NAA15: variants seen among roughly 807,000 people sequenced by gnomAD.
NAA15 encodes N-alpha-acetyltransferase 15, NatA auxiliary subunit, also known as N-terminal acetyltransferase.
A neutral mutation model predicts 114.0 loss-of-function variants in NAA15; 34 were observed. The ratio of observed to expected loss-of-function variants is 0.30; its 90% CI spans 0.23 to 0.40. The LOEUF (loss-of-function observed/expected upper bound fraction) is 0.40. Ranked by LOEUF, NAA15 falls within the 10% of genes least tolerant of loss-of-function variation. NAA15 has a pLI of 1.00. For missense variants in NAA15, 658 were observed against 1,004.5 expected (o/e 0.66, Z 4.66); for synonymous variants, 340 against 338.0 (o/e 1.01, Z -0.06).
At chr4:139,312,012 T>G (rs948501066) in intron 1 of NAA15, among the ~76,000 whole-genome samples, 6 of 151,806 alleles carry the variant, frequency 4.0e-5, no homozygotes, top group African/African-American at 1.5e-4. Flanking sequence ...TTAGAGTTGC[T>G]TTGTGTTTTT....
intron 1 of NAA15, among the ~76,000 whole-genome samples, chr4:139,306,442 C>T (rs1166065191): frequency 6.6e-6 from 1 of 151,672 alleles, no homozygotes; most frequent in Non-Finnish European, 1.5e-5. Context: ...ACCATGTTGG[C>T]CAGGCTGGTC....
chr4:139,330,476 G>T (rs1358936776), intron 1 of NAA15, among the ~76,000 whole-genome samples: 2 of 152,156 alleles, frequency 1.3e-5, no homozygotes, highest in Non-Finnish European at 2.9e-5. Context: ...GGGAGACAAA[G>T]AAAATATTCA....
chr4:139,341,207 T>TA, intron 4 of NAA15, 138 bp downstream of exon 4: 1 of 576,160 alleles, frequency 1.7e-6, no homozygotes, highest in Admixed American at 4.0e-5. Flanking sequence ...CCACAGTGGT[T>TA]ATGTTTATGA....
At chr4:139,363,493 C>G (rs541503029) in intron 14 of NAA15, among the ~76,000 whole-genome samples, 43 of 152,146 alleles carry the variant, frequency 2.8e-4, no homozygotes, top group Non-Finnish European at 5.1e-4. Context: ...GGGTTTATAT[C>G]ATACTCAGTG....
chr4:139,380,259 G>A (rs55886231), intron 17 of NAA15, among the ~76,000 whole-genome samples: 3 of 74,258 alleles, frequency 4.0e-5, no homozygotes, highest in African/African-American at 1.4e-4. Flanking sequence ...TAGTTTTTTT[G>A]GGGGGGGGGA....
intron 6 of NAA15, among the ~76,000 whole-genome samples, chr4:139,347,215 G>A (rs933668511): frequency 2.0e-5 from 3 of 152,070 alleles, no homozygotes; most frequent in East Asian, 1.9e-4. Context: ...GTTTAGTAGC[G>A]CTCCTAGCTT....
intron 17 of NAA15, among the ~76,000 whole-genome samples, chr4:139,381,365 C>T (rs886544565): frequency 5.9e-5 from 9 of 151,956 alleles, no homozygotes; most frequent in Non-Finnish European, 1.2e-4. Context: ...TGTTTATATT[C>T]TCCTAACTGC....
chr4:139,379,328 A>G (rs1015461073), intron 17 of NAA15: 2 of 152,376 alleles, frequency 1.3e-5, no homozygotes, highest in African/African-American at 4.8e-5. Context: ...TTTGACAATC[A>G]GATCAGTTTT....
intron 1 of NAA15, among the ~76,000 whole-genome samples, chr4:139,315,013 T>TCAGTTCAGTTCAGTTC (rs1560952827): frequency 7.6e-6 from 1 of 131,954 alleles, no homozygotes; most frequent in African/African-American, 2.9e-5. Context: ...TAGTTTAGGT[T>TCAGTTCAGTTCAGTTC]AGGTTAGGTT....
At position 139,324,512 on chromosome 4, in the gene NAA15, G is replaced by A. The variant is rs549208279; in HGVS notation, c.55-9662G>A. Among the ~76,000 whole-genome samples the A allele has an allele frequency of 2.0e-5, 3 of 152,318 alleles. No homozygotes were observed. The South Asian group carries it at 6.2e-4, about 32-fold the overall frequency. ...CTTCTGTGGAGAACTGAAAATGTCT[G>A]TCTACTGTGTCACTTTATAAAACCT... On this transcript the variant is annotated intron_variant, in intron 1 of 19. Transcript: ENST00000296543.
intron 1 of NAA15, 22 bp from the exon 2 acceptor site, chr4:139,334,152 T>G (rs1324382615): frequency 2.0e-6 from 3 of 1,512,074 alleles, no homozygotes; most frequent in East Asian, 4.6e-5. Flanking sequence ...TAAACTTAAA[T>G]TTTTCTTTTT....
chr4:139,359,973 CAA>C, intron 12 of NAA15, 78 bp downstream of exon 12: 5 of 1,356,028 alleles, frequency 3.7e-6, no homozygotes, highest in Middle Eastern at 2.3e-4. Context: ...GCTTATTTTT[CAA>C]AGTTTGTCTT....
intron 15 of NAA15, among the ~76,000 whole-genome samples, chr4:139,375,806 T>TA (rs1381618861): frequency 6.6e-6 from 1 of 150,538 alleles, no homozygotes; most frequent in Non-Finnish European, 1.5e-5. Context: ...ATGTAATTAA[T>TA]AAAAATTGGT....
At chr4:139,315,882 A>T (rs1158172732) in intron 1 of NAA15, among the ~76,000 whole-genome samples, 4 of 150,894 alleles carry the variant, frequency 2.7e-5, no homozygotes, top group African/African-American at 9.7e-5. Flanking sequence ...TCTTTTTTAA[A>T]AAAAAAAATT....
intron 1 of NAA15, among the ~76,000 whole-genome samples, chr4:139,329,053 T>G (rs1156993292): frequency 7.4e-6 from 1 of 134,850 alleles, no homozygotes; most frequent in Non-Finnish European, 1.6e-5. Context: ...TTTTTTTTTT[T>G]GTATTTTTAG....
intron 1 of NAA15, among the ~76,000 whole-genome samples, chr4:139,315,006 T>TTCAGGTGAGGTGAGGTGAGGTGAGG (rs1553992520): frequency 9.8e-6 from 1 of 101,530 alleles, no homozygotes; most frequent in Admixed American, 9.3e-5. Context: ...TTCAGTTTAG[T>TTCAGGTGAGGTGAGGTGAGGTGAGG]TTAGGTTAGG....
At chr4:139,339,501 A>G (rs1293198510) in intron 3 of NAA15, among the ~76,000 whole-genome samples, 1 of 152,066 alleles carries the variant, frequency 6.6e-6, no homozygotes, top group African/African-American at 2.4e-5. Context: ...TCTCTTTTAA[A>G]AAACGCAATA....
chr4:139,371,497 G>GCACACACACACACACACA (rs35581039), intron 15 of NAA15, among the ~76,000 whole-genome samples: 64 of 113,674 alleles, frequency 5.6e-4, no homozygotes, highest in East Asian at 1.7e-3. Flanking sequence ...AAGAAAAGTA[G>GCACACACACACACACACA]CACACACACA....
chr4:139,370,818 A>G (rs1389862860), intron 15 of NAA15, among the ~76,000 whole-genome samples: 2 of 152,252 alleles, frequency 1.3e-5, no homozygotes, highest in African/African-American at 2.4e-5. Flanking sequence ...TGTCTGTTAC[A>G]GTGGTAACAT....
Sources: gnomAD v4.1 joint callset for allele counts (sites outside exome capture counted in the v4.1 genomes callset) on GRCh38, gnomAD v4.1.1 for gene constraint, MANE v1.5 for transcripts, NCBI Gene and HGNC (gene_info 2026-07-23, HGNC 2026-07-21) for gene names.